Variants in DACH2 observed in about 807,000 individuals in gnomAD.
DACH2 encodes dachshund family transcription factor 2, also known as dachshund homolog 2.
A neutral mutation model predicts 35.8 loss-of-function variants in DACH2; 17 were observed. The ratio of observed to expected loss-of-function variants is 0.48; its 90% CI spans 0.33 to 0.71. The LOEUF is 0.71. Among genes scored for constraint, DACH2 ranks in the 30% least tolerant of loss-of-function variants. DACH2 has a pLI of 0.02. For missense variants in DACH2, 469 were observed against 472.7 expected (o/e 0.99, Z 0.07); for synonymous variants, 195 against 177.3 (o/e 1.10, Z -0.79).
intron 3 of DACH2, among the ~76,000 whole-genome samples, chrX:86,576,683 T>C (rs2039439704): frequency 9.0e-6 from 1 of 111,325 alleles, no homozygotes; most frequent in South Asian, 3.8e-4. Context: ...CCAAATATCA[T>C]GTGAAAACTT....
intron 3 of DACH2, among the ~76,000 whole-genome samples, chrX:86,578,073 A>G: frequency 9.0e-6 from 1 of 111,507 alleles, no homozygotes; most frequent in Middle Eastern, 4.6e-3. Context: ...CAAACTTGAA[A>G]CCTATGGGCC....
intron 1 of DACH2, among the ~76,000 whole-genome samples, chrX:86,360,221 A>G (rs1305806790): frequency 2.7e-5 from 3 of 110,785 alleles, no homozygotes; most frequent in South Asian, 3.8e-4. Context: ...TTTAAGCACT[A>G]TAATCCTTTA....
chrX:86,293,404 G>C (rs1314732113), intron 1 of DACH2, among the ~76,000 whole-genome samples: 3 of 108,181 alleles, frequency 2.8e-5, no homozygotes, highest in Non-Finnish European at 5.7e-5. Context: ...CTTTTAATTG[G>C]AGCATTTAGT....
At chrX:86,284,274 G>T (rs1389719180) in intron 1 of DACH2, among the ~76,000 whole-genome samples, 2 of 111,173 alleles carry the variant, frequency 1.8e-5, no homozygotes, top group Non-Finnish European at 3.8e-5. Flanking sequence ...TCTATCCCCA[G>T]ATTTTTAGGG....
At chrX:86,398,892 C>G (rs894473405) in intron 2 of DACH2, among the ~76,000 whole-genome samples, 2 of 111,706 alleles carry the variant, frequency 1.8e-5, no homozygotes, top group Middle Eastern at 4.2e-3. Flanking sequence ...CTGTGGATGT[C>G]TATTAGGTCC....
At chrX:86,536,791 C>A (rs1014180820) in intron 3 of DACH2, among the ~76,000 whole-genome samples, 1 of 112,138 alleles carries the variant, frequency 8.9e-6, no homozygotes, top group Non-Finnish European at 1.9e-5. Flanking sequence ...TGTAACCCAA[C>A]CACCTTGGGT....
At chrX:86,738,665 C>T (rs1223542221) in intron 6 of DACH2, among the ~76,000 whole-genome samples, 1 of 111,494 alleles carries the variant, frequency 9.0e-6, no homozygotes, top group Non-Finnish European at 1.9e-5. Context: ...GATGCATAAA[C>T]ATAGTGAATA....
chrX:86,682,527 G>A (rs2040892357), intron 4 of DACH2, among the ~76,000 whole-genome samples: 2 of 111,994 alleles, frequency 1.8e-5, no homozygotes, highest in Non-Finnish European at 3.8e-5. Context: ...CTCACAGTGT[G>A]TGTTCAGTGA....
At chrX:86,578,770 C>T in intron 3 of DACH2, among the ~76,000 whole-genome samples, 1 of 111,130 alleles carries the variant, frequency 9.0e-6, no homozygotes, top group Non-Finnish European at 1.9e-5. Context: ...TTTCAGTTCA[C>T]TTGAGTGAGT....
intron 1 of DACH2, among the ~76,000 whole-genome samples, chrX:86,265,971 G>T (rs950086881): frequency 5.4e-5 from 6 of 111,642 alleles, no homozygotes; most frequent in Non-Finnish European, 1.1e-4. Context: ...GTGTGTATGT[G>T]TATATATGAT....
At chrX:86,527,381 A>T (rs1317546590) in intron 3 of DACH2, among the ~76,000 whole-genome samples, 2 of 111,227 alleles carry the variant, frequency 1.8e-5, no homozygotes, top group Non-Finnish European at 3.8e-5. Context: ...GTAACCACTG[A>T]TCTGTATTCT....
intron 1 of DACH2, among the ~76,000 whole-genome samples, chrX:86,337,888 T>G (rs2227172): frequency 0.22 from 23,772 of 109,709 alleles, 3,266 homozygotes; most frequent in African/African-American, 0.51. Context: ...TAAATGGAAA[T>G]CAAAAAAAAT....
At chrX:86,698,547 T>TTTTTTTTTTTTTTG (rs1174484010) in intron 5 of DACH2, among the ~76,000 whole-genome samples, 4 of 85,039 alleles carry the variant, frequency 4.7e-5, no homozygotes, top group Admixed American at 2.8e-4. Context: ...TTTTTTTTTT[T>TTTTTTTTTTTTTTG]TACAGGGTCT....
At chrX:86,515,673 G>A (rs1602598758) in intron 3 of DACH2, among the ~76,000 whole-genome samples, 1 of 112,288 alleles carries the variant, frequency 8.9e-6, no homozygotes, top group African/African-American at 3.2e-5. Flanking sequence ...ATAGAAGTGA[G>A]GAAGTACTTA....
intron 7 of DACH2, among the ~76,000 whole-genome samples, chrX:86,759,251 C>A (rs1464930030): frequency 8.9e-6 from 1 of 112,001 alleles, no homozygotes; most frequent in Non-Finnish European, 1.9e-5. Flanking sequence ...AAGACTATCT[C>A]TGTCTTTAGA....
At chrX:86,821,477 A>C (rs183781963) in intron 11 of DACH2, among the ~76,000 whole-genome samples, 1 of 110,754 alleles carries the variant, frequency 9.0e-6, no homozygotes, top group East Asian at 2.8e-4. Flanking sequence ...AAGCAGCAAA[A>C]ATTTTTTCTG....
intron 2 of DACH2, among the ~76,000 whole-genome samples, chrX:86,482,818 T>C (rs1287612398): frequency 9.1e-6 from 1 of 110,337 alleles, no homozygotes; most frequent in African/African-American, 3.3e-5. Context: ...CCGTAAAAAA[T>C]GATGAGTTCA....
intron 11 of DACH2, among the ~76,000 whole-genome samples, chrX:86,823,804 A>G (rs1469409559): frequency 9.0e-6 from 1 of 110,977 alleles, no homozygotes; most frequent in Non-Finnish European, 1.9e-5. Flanking sequence ...AGCAAGTTTT[A>G]TTAAGGATTT....
intron 4 of DACH2, among the ~76,000 whole-genome samples, chrX:86,685,772 C>T (rs2040935396): frequency 9.0e-6 from 1 of 110,539 alleles, no homozygotes; most frequent in African/African-American, 3.3e-5. Context: ...CGAGGTTCCA[C>T]ACACTTTAAA....
Sources: allele counts gnomAD v4.1 joint callset (sites outside exome capture counted in the v4.1 genomes callset), GRCh38; gene constraint gnomAD v4.1.1; transcripts MANE v1.5; gene names NCBI Gene and HGNC (gene_info 2026-07-23, HGNC 2026-07-21).